The following ROR2 variants were observed in gnomAD, a reference collection of about 807,000 sequenced individuals.
The protein encoded by ROR2 is ROR family WNT receptor 2.
Under a neutral mutation model 74.9 loss-of-function variants are expected in ROR2, and 33 were observed. The ratio of observed to expected loss-of-function variants is 0.44; its 90% CI spans 0.33 to 0.59. The LOEUF is 0.59. Among genes scored for constraint, ROR2 ranks in the 20% least tolerant of loss-of-function variants. The pLI is 0.02. For missense variants in ROR2, 1,216 were observed against 1,313.8 expected, an observed-to-expected ratio of 0.93 and a Z score of 1.15; for synonymous variants, 586 against 558.7, an observed-to-expected ratio of 1.05 and a Z score of -0.69.
At chr9:91,758,034 T>G (rs900543881) in intron 2 of ROR2, among the ~76,000 whole-genome samples, 2 of 152,106 alleles carry the variant, frequency 1.3e-5, no homozygotes, top group African/African-American at 4.8e-5. Context: ...GGGGCCATCA[T>G]AAACAATAAA....
chr9:91,908,202 G>T (rs919482128), intron 1 of ROR2, among the ~76,000 whole-genome samples: 1 of 152,142 alleles, frequency 6.6e-6, no homozygotes, highest in Admixed American at 6.5e-5. Context: ...TGAGTGGTGG[G>T]GACGCTATCT....
At chr9:91,779,505 G>A (rs1826541789) in intron 1 of ROR2, among the ~76,000 whole-genome samples, 1 of 151,702 alleles carries the variant, frequency 6.6e-6, no homozygotes, top group Admixed American at 6.6e-5. Context: ...CAAGTAGCTA[G>A]GACTGCAGGT....
chr9:91,770,397 C>G (rs1004914670), intron 2 of ROR2, among the ~76,000 whole-genome samples: 2 of 152,244 alleles, frequency 1.3e-5, no homozygotes, highest in Non-Finnish European at 2.9e-5. Context: ...CCCAGCCTCA[C>G]TCGGTATGGG....
intron 1 of ROR2, among the ~76,000 whole-genome samples, chr9:91,874,113 G>A (rs895488322): frequency 7.2e-5 from 11 of 152,288 alleles, no homozygotes; most frequent in Middle Eastern, 3.4e-3. Flanking sequence ...GGGGGCTGAC[G>A]AAGCCTCCCT....
chr9:91,922,646 G>T (rs1231479038), intron 1 of ROR2, among the ~76,000 whole-genome samples: 1 of 152,068 alleles, frequency 6.6e-6, no homozygotes, highest in Non-Finnish European at 1.5e-5. Context: ...GTAGAGACAG[G>T]ATTTCACCAT....
intron 1 of ROR2, among the ~76,000 whole-genome samples, chr9:91,913,323 A>G (rs931320556): frequency 1.3e-5 from 2 of 152,240 alleles, no homozygotes; most frequent in Non-Finnish European, 2.9e-5. Flanking sequence ...ATACCGGTTG[A>G]GCAGATTTTT....
intron 1 of ROR2, among the ~76,000 whole-genome samples, chr9:91,794,849 C>T (rs7869076): frequency 0.049 from 7,491 of 152,216 alleles, 610 homozygotes; most frequent in African/African-American, 0.17. Context: ...AGGCCAGGCG[C>T]AGTGGCTCAT....
At chr9:91,917,227 A>G (rs1459371949) in intron 1 of ROR2, among the ~76,000 whole-genome samples, 1 of 152,178 alleles carries the variant, frequency 6.6e-6, no homozygotes, top group African/African-American at 2.4e-5. Flanking sequence ...TTGTGCTGTC[A>G]TTTACCCCCT....
At chr9:91,870,349 G>A (rs942312103) in intron 1 of ROR2, among the ~76,000 whole-genome samples, 16 of 152,244 alleles carry the variant, frequency 1.1e-4, no homozygotes, top group Admixed American at 6.5e-4. Flanking sequence ...AAACTCCTTC[G>A]TACGGAGCAA....
At chr9:91,838,606 G>T (rs1670063332) in intron 1 of ROR2, among the ~76,000 whole-genome samples, 1 of 152,162 alleles carries the variant, frequency 6.6e-6, no homozygotes, top group East Asian at 1.9e-4. Context: ...TGGGGAATGG[G>T]TCCCTCACCA....
chr9:91,923,756 T>C (rs1303761468), intron 1 of ROR2: 1 of 152,258 alleles, frequency 6.6e-6, no homozygotes, highest in East Asian at 1.9e-4. Flanking sequence ...TTGCAAATAA[T>C]GTACACACAA....
rs141389723 is a variant in ROR2 at position 91,876,719 on chromosome 9, T to C, written c.97+73148A>G. On this transcript the variant is annotated intron_variant, in intron 1 of 8. Transcript: ENST00000375708. ...AATATCATCAGAATGCAATAAAAAATAGAAAAGAAGGTATTGAAATCAAAA... is the reference window on the plus strand; with the variant it reads ...AATATCATCAGAATGCAATAAAAAACAGAAAAGAAGGTATTGAAATCAAAA... 8.6e-3 allele frequency among the ~76,000 whole-genome samples: 1,305 copies of C among 151,588 alleles called. 9 individuals carry two copies. The highest frequency in any genetic ancestry group is 0.014 in the Non-Finnish European group (945 of 67,878).
chr9:91,843,975 G>C (rs771246670), intron 1 of ROR2, among the ~76,000 whole-genome samples: 2 of 152,212 alleles, frequency 1.3e-5, no homozygotes, highest in South Asian at 4.1e-4. Context: ...CCTGCAGAGC[G>C]GGGCCTTTCA....
chr9:91,897,586 G>A (rs914067473), intron 1 of ROR2, among the ~76,000 whole-genome samples: 2 of 151,366 alleles, frequency 1.3e-5, no homozygotes, highest in South Asian at 2.1e-4. Flanking sequence ...ATTCCAGGTG[G>A]GGGGAACCAC....
At chr9:91,925,394 G>A (rs1264971056) in intron 1 of ROR2, among the ~76,000 whole-genome samples, 1 of 151,976 alleles carries the variant, frequency 6.6e-6, no homozygotes, top group Non-Finnish European at 1.5e-5. Context: ...CCCCAGCTCG[G>A]CAAGCTCTGT....
At chr9:91,931,127 T>C (rs1228935475) in intron 1 of ROR2, among the ~76,000 whole-genome samples, 1 of 152,036 alleles carries the variant, frequency 6.6e-6, no homozygotes, top group Non-Finnish European at 1.5e-5. Flanking sequence ...TCTCAGTAAG[T>C]GTAACTGAGG....
At chr9:91,793,656 GGAGGCT>G (rs1254788432) in intron 1 of ROR2, among the ~76,000 whole-genome samples, 1 of 151,864 alleles carries the variant, frequency 6.6e-6, no homozygotes, top group Non-Finnish European at 1.5e-5. Flanking sequence ...CAGCTACTCA[GGAGGCT>G]GAGGCAGGAG....
chr9:91,949,852 A>T lies in ROR2; in HGVS notation c.97+15T>A. 6.7e-7 allele frequency: 1 copy of T among 1,501,944 alleles called. No individual in the cohort carries two copies. The highest frequency in any genetic ancestry group is 9.0e-7 in the Non-Finnish European group (1 of 1,105,258). The allele number at this position is 1,501,944 out of a possible 1,614,324, so 93.0% of individuals were successfully genotyped here. A position where few individuals can be genotyped will look rare whatever the true frequency, so the allele number is the denominator to read the frequency against. ...GAGCTACCGTCTGCGCACAAGCCGG[A>T]ACGCCAGATCCTACCTGAAGTCCGG... On this transcript the variant is annotated intron_variant, in intron 1 of 8. Transcript: ENST00000375708.
At chr9:91,914,061 A>G (rs1208942183) in intron 1 of ROR2, among the ~76,000 whole-genome samples, 1 of 151,376 alleles carries the variant, frequency 6.6e-6, no homozygotes, top group East Asian at 1.9e-4. Flanking sequence ...GCCAACCAAA[A>G]AAAAATCTCA....
Sources: gnomAD v4.1 joint callset for allele counts (sites outside exome capture counted in the v4.1 genomes callset) on GRCh38, gnomAD v4.1.1 for gene constraint, MANE v1.5 for transcripts, NCBI Gene and HGNC (gene_info 2026-07-23, HGNC 2026-07-21) for gene names.